PDGFA: variants seen among roughly 807,000 people sequenced by gnomAD.
PDGFA encodes the protein platelet-derived growth factor subunit A.
Under a neutral mutation model 25.6 loss-of-function variants are expected in PDGFA, and 9 were observed. That is an observed-to-expected ratio of 0.35 (90% CI 0.21 to 0.61). The LOEUF is 0.61. PDGFA is among the 20% of genes least tolerant of loss of function. The pLI is 0.75. For missense variants in PDGFA, 242 were observed against 272.8 expected (o/e 0.89, Z 0.79); for synonymous variants, 133 against 111.8 (o/e 1.19, Z -1.20).
At chr7:510,986 G>C (rs997507740) in exon 4 of PDGFA, 1 of 1,612,272 alleles carries the variant, frequency 6.2e-7, no homozygotes, top group African/African-American at 1.3e-5. Context: ...AGACAGCGGG[G>C]ACAGCTTCCT....
intron 2 of PDGFA, among the ~76,000 whole-genome samples, chr7:515,085 T>C (rs1783029586): frequency 6.6e-6 from 1 of 152,214 alleles, no homozygotes; most frequent in African/African-American, 2.4e-5. Flanking sequence ...GGAGTCAGCA[T>C]AGCTGGGGCG....
chr7:520,065 C>A, upstream of PDGFA: 1 of 398,606 alleles, frequency 2.5e-6, no homozygotes, highest in South Asian at 1.7e-5. Context: ...ATCAAAGCCC[C>A]GCGCCCGGCT....
chr7:508,795 G>A (rs1329098792), intron 4 of PDGFA, among the ~76,000 whole-genome samples: 1 of 152,024 alleles, frequency 6.6e-6, no homozygotes, highest in African/African-American at 2.4e-5. Flanking sequence ...GCCCCAGGGA[G>A]GTGCCAGCCC....
rs187705377 is a variant in PDGFA, at chr7:506,784, C to T, written c.453+4025G>A. On this transcript the variant is annotated intron_variant, in intron 4 of 5. Coordinates refer to ENST00000402802, the Ensembl canonical transcript of PDGFA. ...GCTAGGGACCCCGGCCAGTCACTCC[C>T]CCAGGGCTGCCGGTCAGTCACATCC... Among the ~76,000 whole-genome samples, 7 of 152,324 alleles carry T rather than the reference C, an allele frequency of 4.6e-5. No individual in the cohort carries two copies. The East Asian group carries it at 1.3e-3, about 29-fold the overall frequency.
chr7:516,049 C>CCCCCCCG (rs1554276002), intron 2 of PDGFA, among the ~76,000 whole-genome samples: 4 of 86,016 alleles, frequency 4.7e-5, no homozygotes, highest in African/African-American at 2.0e-4. Flanking sequence ...AGCCCCCCCC[C>CCCCCCCG]CCCACTTTTC....
chr7:502,813 A>ACACAC (rs1782407747), intron 4 of PDGFA, among the ~76,000 whole-genome samples: 1 of 99,754 alleles, frequency 1.0e-5, no homozygotes, highest in Non-Finnish European at 2.5e-5. Context: ...CACACACATA[A>ACACAC]TGCACATATA....
chr7:507,246 G>T (rs1782601679), intron 4 of PDGFA, among the ~76,000 whole-genome samples: 1 of 152,262 alleles, frequency 6.6e-6, no homozygotes, highest in Non-Finnish European at 1.5e-5. Context: ...GCGGGAACAT[G>T]AAGGGGGCCT....
At chr7:501,712 C>T (rs554341059) in intron 4 of PDGFA, among the ~76,000 whole-genome samples, 47 of 152,134 alleles carry the variant, frequency 3.1e-4, no homozygotes, top group Admixed American at 1.4e-3. Flanking sequence ...TGAGAGCCGC[C>T]GCGCCTGGTG....
exon 6 of PDGFA, chr7:497,974 C>CA (rs1441173160): frequency 2.0e-4 from 11 of 54,970 alleles, no homozygotes; most frequent in South Asian, 1.5e-3. Flanking sequence ...AAAAAAAAAA[C>CA]AAAACAAAAA....
intron 4 of PDGFA, among the ~76,000 whole-genome samples, chr7:506,477 C>T (rs970993696): frequency 2.0e-5 from 3 of 151,990 alleles, no homozygotes; most frequent in African/African-American, 7.3e-5. Flanking sequence ...GGGAGCTTCT[C>T]ACCCGTAACA....
intron 2 of PDGFA, among the ~76,000 whole-genome samples, chr7:514,402 G>C (rs1298943357): frequency 2.0e-5 from 3 of 152,158 alleles, no homozygotes; most frequent in Non-Finnish European, 4.4e-5. Flanking sequence ...AGGGACAGAG[G>C]GGGAATAGCT....
In PDGFA at chr7:517,574, CG is replaced by C. The variant is rs1783167547; in HGVS notation, c.64-85del. 2.4e-6 allele frequency: 1 copy of C among 420,536 alleles called. No individual in the cohort carries two copies. The highest frequency in any genetic ancestry group is 3.2e-6 in the Non-Finnish European group (1 of 308,744). 26.1% of individuals were successfully genotyped at this position (420,536 alleles called of 1,614,324 possible). A position where few individuals can be genotyped will look rare whatever the true frequency, so the allele number is the denominator to read the frequency against. On this transcript the variant is annotated intron_variant, in intron 1 of 5. Transcript: ENST00000402802. This position sits in a 1 kb window ranked among gnomAD's most constrained non-coding sequence, Gnocchi z 7.4. ...CCGGCCGCCAGGAGCGCCGCCGCCC[CG>C]GGCCCGAGGAGACCCCGCGAGCGCC...
chr7:500,716 T>C lies in PDGFA; in HGVS notation c.580+400A>G, dbSNP rs545608559. 1 of 1,438,950 alleles carries C rather than the reference T, an allele frequency of 6.9e-7. No homozygotes were observed. Among genetic ancestry groups the C allele is most frequent in the East Asian group, 2.5e-5 (1 of 39,784 alleles). The allele number at this position is 1,438,950 out of a possible 1,614,324, so 89.1% of individuals were successfully genotyped here. On this transcript the variant is annotated intron_variant, in intron 5 of 5. Coordinates refer to ENST00000402802, the Ensembl canonical transcript of PDGFA. The surrounding 1 kb of genome is among the most constrained non-coding windows in gnomAD (Gnocchi z 5.0). Reference sequence around the variant, plus strand: ...CCTGGGTGGAGTCCGCGTGGCGGGGTGAAGGAGAGACCCCAGCCAGCCAGG... The same window carrying C: ...CCTGGGTGGAGTCCGCGTGGCGGGGCGAAGGAGAGACCCCAGCCAGCCAGG...
At chr7:503,035 T>A (rs1425316860) in intron 4 of PDGFA, among the ~76,000 whole-genome samples, 1 of 152,120 alleles carries the variant, frequency 6.6e-6, no homozygotes, top group Non-Finnish European at 1.5e-5. Flanking sequence ...AGGGACTGCA[T>A]GAGTAGAGTA....
chr7:498,640 G>C (rs34223855), intron 5 of PDGFA, 66 bp from the exon 6 acceptor site: 518,227 of 1,479,230 alleles, frequency 0.35, 93,764 homozygotes, highest in Middle Eastern at 0.47. Context: ...GCACACACAT[G>C]GCTGCATAGG....
At chr7:498,870 C>T (rs1381184742) in intron 5 of PDGFA, among the ~76,000 whole-genome samples, 1 of 152,210 alleles carries the variant, frequency 6.6e-6, no homozygotes, top group Non-Finnish European at 1.5e-5. Flanking sequence ...GGCTCATTTG[C>T]CCTTCTCTCT....
At chr7:501,045 C>T (rs533910673) in intron 5 of PDGFA, 71 bp downstream of exon 5, 3 of 1,613,222 alleles carry the variant, frequency 1.9e-6, no homozygotes, top group Admixed American at 3.3e-5. Context: ...AAGGGGGCCA[C>T]CTAACACCCC....
intron 2 of PDGFA, among the ~76,000 whole-genome samples, chr7:516,240 G>A (rs569863000): frequency 2.6e-4 from 36 of 139,106 alleles, no homozygotes; most frequent in African/African-American, 9.6e-4. Flanking sequence ...GATCAGCCCA[G>A]GGATTTCCTG....
At chr7:505,546 CG>C (rs1439178188) in intron 4 of PDGFA, among the ~76,000 whole-genome samples, 1 of 152,178 alleles carries the variant, frequency 6.6e-6, no homozygotes, top group Non-Finnish European at 1.5e-5. Flanking sequence ...CTCCAGGTTA[CG>C]GCCTGACCCT....
Sources: allele counts gnomAD v4.1 joint callset (sites outside exome capture counted in the v4.1 genomes callset), GRCh38; gene constraint gnomAD v4.1.1; non-coding constraint Gnocchi (gnomAD v3.1); transcripts MANE v1.5; gene names NCBI Gene and HGNC (gene_info 2026-07-23, HGNC 2026-07-21).